AP4S1: variants seen among roughly 807,000 people sequenced by gnomAD.
AP4S1 encodes adaptor related protein complex 4 subunit sigma 1.
In AP4S1, 23 loss-of-function variants were observed where a neutral mutation model predicts 19.8. The observed-to-expected ratio is 1.16, with a 90% CI of 0.84 to 1.65. AP4S1 has a LOEUF of 1.65. AP4S1 is among the 40% of genes most tolerant of loss of function. AP4S1 has a pLI of 0.00. For synonymous variants in AP4S1, 46 were observed against 54.1 expected, an observed-to-expected ratio of 0.85 and a Z score of 0.66; for missense variants, 166 against 172.8, an observed-to-expected ratio of 0.96 and a Z score of 0.22.
chr14:31,074,181 T>C (rs1207541381), intron 4 of AP4S1, among the ~76,000 whole-genome samples: 1 of 150,448 alleles, frequency 6.6e-6, no homozygotes, highest in Non-Finnish European at 1.5e-5. Context: ...AAAAAATTAG[T>C]TGGGCATGGT....
chr14:31,038,753 T>C (rs2139438803), intron 1 of AP4S1, among the ~76,000 whole-genome samples: 1 of 152,278 alleles, frequency 6.6e-6, no homozygotes, highest in East Asian at 1.9e-4. Flanking sequence ...ATGAGGGGGA[T>C]TAAATAGATA....
At chr14:31,083,496 CTTTT>C (rs768336426) in intron 5 of AP4S1, 406 of 253,916 alleles carry the variant, frequency 1.6e-3, no homozygotes, top group African/African-American at 7.4e-3. Flanking sequence ...TGTTGACACT[CTTTT>C]TTTTTTTTTT....
intron 3 of AP4S1, among the ~76,000 whole-genome samples, chr14:31,072,512 A>C (rs1887067861): frequency 6.6e-6 from 1 of 152,086 alleles, no homozygotes; most frequent in Admixed American, 6.6e-5. Flanking sequence ...CTGAGACTAC[A>C]GGCATGCACC....
At chr14:31,044,446 A>G (rs550070639) in intron 1 of AP4S1, among the ~76,000 whole-genome samples, 2 of 152,040 alleles carry the variant, frequency 1.3e-5, no homozygotes, top group Non-Finnish European at 2.9e-5. Flanking sequence ...GGCTGAAGCC[A>G]TCCTCCTGCC....
intron 3 of AP4S1, among the ~76,000 whole-genome samples, chr14:31,071,987 T>C (rs1362257137): frequency 3.3e-5 from 5 of 151,506 alleles, no homozygotes; most frequent in Non-Finnish European, 1.5e-5. Flanking sequence ...AGTGGCACAA[T>C]CTTGGCTCAC....
chr14:31,076,028 G>A (rs1362135953), intron 4 of AP4S1, among the ~76,000 whole-genome samples: 2 of 152,140 alleles, frequency 1.3e-5, no homozygotes, highest in African/African-American at 2.4e-5. Flanking sequence ...GAGCCGTCAC[G>A]CCTGGCCGGA....
At chr14:31,080,876 G>T (rs980693150) in intron 5 of AP4S1, among the ~76,000 whole-genome samples, 4 of 152,072 alleles carry the variant, frequency 2.6e-5, no homozygotes, top group Admixed American at 6.6e-5. Flanking sequence ...CCACCTCACT[G>T]CAACCTCTGC....
intron 3 of AP4S1, among the ~76,000 whole-genome samples, chr14:31,070,944 C>A (rs1231758725): frequency 6.6e-6 from 1 of 151,922 alleles, no homozygotes; most frequent in South Asian, 2.1e-4. Context: ...CCCAGCTACT[C>A]GGGAGGCTGA....
intron 5 of AP4S1, among the ~76,000 whole-genome samples, chr14:31,091,891 CAG>C (rs1888087126): frequency 6.6e-6 from 1 of 152,182 alleles, no homozygotes. Context: ...TTTAAGTAGA[CAG>C]AGAACTTCAG....
chr14:31,068,951 C>T (rs534238715), intron 2 of AP4S1, among the ~76,000 whole-genome samples: 234 of 152,274 alleles, frequency 1.5e-3, no homozygotes, highest in African/African-American at 5.0e-3. Flanking sequence ...CTGCAGAATG[C>T]TTCTGTACTC....
intron 5 of AP4S1, chr14:31,085,331 G>C: frequency 1.0e-6 from 1 of 993,310 alleles, no homozygotes; most frequent in Non-Finnish European, 1.2e-6. Flanking sequence ...AGAAGGCTGG[G>C]TGGTAGCTGG....
At chr14:31,085,906 C>G (rs937106344) in intron 5 of AP4S1, 1 of 902,312 alleles carries the variant, frequency 1.1e-6, no homozygotes, top group Non-Finnish European at 1.3e-6. Context: ...ATTCATGTCC[C>G]TTCTATTGCA....
chr14:31,091,496 A>G (rs1888074686), intron 5 of AP4S1, among the ~76,000 whole-genome samples: 1 of 151,654 alleles, frequency 6.6e-6, no homozygotes, highest in Admixed American at 6.6e-5. Flanking sequence ...TAATTGAAAG[A>G]CAGTATTAAT....
chr14:31,095,235 C>T lies in AP4S1; in HGVS notation c.*2200C>T, dbSNP rs1888171548. The T allele has an allele frequency of 6.6e-6, 1 of 152,112 alleles. No homozygotes were observed. The highest frequency in any genetic ancestry group is 1.5e-5 in the Non-Finnish European group (1 of 68,054). The allele number at this position is 152,112 out of a possible 1,614,324, so 9.4% of individuals were successfully genotyped here. A position where few individuals can be genotyped will look rare whatever the true frequency, so the allele number is the denominator to read the frequency against. ...AACAAAAAAACTTTTATAACATGTA[C>T]CTAACAAAGATGCAGAGTTAAATTT... On this transcript the variant is annotated 3_prime_UTR_variant, in exon 6 of 6. Transcript: ENST00000542754.
At chr14:31,067,255 C>T (rs1477093960) in intron 2 of AP4S1, among the ~76,000 whole-genome samples, 1 of 146,428 alleles carries the variant, frequency 6.8e-6, no homozygotes, top group African/African-American at 2.5e-5. Flanking sequence ...AAACTGCGTC[C>T]TTTTTTTTTT....
At chr14:31,076,456 A>G (rs899050194) in intron 4 of AP4S1, among the ~76,000 whole-genome samples, 5 of 152,332 alleles carry the variant, frequency 3.3e-5, no homozygotes, top group East Asian at 1.9e-4. Flanking sequence ...CCATTTGTCT[A>G]TCTTCTTGGG....
intron 1 of AP4S1, among the ~76,000 whole-genome samples, chr14:31,031,961 G>A (rs1368445793): frequency 2.0e-5 from 3 of 151,960 alleles, no homozygotes; most frequent in Non-Finnish European, 2.9e-5. Flanking sequence ...ACTGGGCGTG[G>A]TGGCAGGTGC....
At chr14:31,035,247 TGC>T (rs1013981218) in intron 1 of AP4S1, among the ~76,000 whole-genome samples, 1 of 136,304 alleles carries the variant, frequency 7.3e-6, no homozygotes, top group Non-Finnish European at 1.5e-5. Flanking sequence ...CAGGCTGGAG[TGC>T]AGTGGTGCGA....
At position 31,059,934 on chromosome 14, in the gene AP4S1, T is replaced by A. The variant is rs866675866; in HGVS notation, c.-71-6192T>A. Reference sequence around the variant, plus strand: ...AATGAGCTGGGAGGACAAAAAAATATATATATATATATTTATTTATTTATG... The same window carrying A: ...AATGAGCTGGGAGGACAAAAAAATAAATATATATATATTTATTTATTTATG... On this transcript the variant is annotated intron_variant, in intron 1 of 5. Coordinates refer to ENST00000542754, the MANE Select transcript of AP4S1 (RefSeq NM_001128126.3). Among the ~76,000 whole-genome samples, 28 of 147,490 alleles carry A rather than the reference T, an allele frequency of 1.9e-4. 1 individual carries two copies. The highest frequency in any genetic ancestry group is 3.6e-3 in the Middle Eastern group (1 of 278).
Sources: allele counts gnomAD v4.1 joint callset (sites outside exome capture counted in the v4.1 genomes callset), GRCh38; gene constraint gnomAD v4.1.1; transcripts MANE v1.5; gene names NCBI Gene and HGNC (gene_info 2026-07-23, HGNC 2026-07-21).